Variants in UBE3C observed in about 807,000 individuals in gnomAD.
UBE3C encodes the protein ubiquitin-protein ligase E3C.
UBE3C carries 42 observed loss-of-function variants against 129.4 expected under a neutral mutation model. That is an observed-to-expected ratio of 0.32 (90% CI 0.25 to 0.42). The LOEUF (loss-of-function observed/expected upper bound fraction) is 0.42. Among genes scored for constraint, UBE3C ranks in the 10% least tolerant of loss-of-function variants. UBE3C has a pLI of 1.00. For synonymous variants in UBE3C, 510 were observed against 492.4 expected (o/e 1.04, Z -0.47); for missense variants, 1,049 against 1,319.1 (o/e 0.80, Z 3.17).
intron 10 of UBE3C, among the ~76,000 whole-genome samples, chr7:157,200,248 A>G (rs1586683281): frequency 6.6e-6 from 1 of 152,170 alleles, no homozygotes; most frequent in African/African-American, 2.4e-5. Flanking sequence ...CTGTTTTTTC[A>G]GTGATGTACC....
At chr7:157,183,259 G>A (rs1343387198) in intron 8 of UBE3C, among the ~76,000 whole-genome samples, 3 of 152,190 alleles carry the variant, frequency 2.0e-5, no homozygotes, top group Non-Finnish European at 2.9e-5. Context: ...TTCAGAGGCC[G>A]ATTACAAGTA....
intron 1 of UBE3C, among the ~76,000 whole-genome samples, chr7:157,141,620 T>C (rs1807453086): frequency 6.6e-6 from 1 of 152,214 alleles, no homozygotes; most frequent in Non-Finnish European, 1.5e-5. Context: ...TATAATCTTA[T>C]GGGACCACGG....
At chr7:157,249,423 C>G (rs950108696) in intron 19 of UBE3C, among the ~76,000 whole-genome samples, 1 of 151,980 alleles carries the variant, frequency 6.6e-6, no homozygotes, top group African/African-American at 2.4e-5. Context: ...TCAAGTGATT[C>G]TCCTGCCCCA....
At chr7:157,154,805 G>T (rs1807857783) in intron 1 of UBE3C, among the ~76,000 whole-genome samples, 1 of 152,132 alleles carries the variant, frequency 6.6e-6, no homozygotes, top group South Asian at 2.1e-4. Context: ...TCTATAACTG[G>T]TTGTAGTCAG....
chr7:157,195,470 C>T (rs1018023035), intron 10 of UBE3C, among the ~76,000 whole-genome samples: 14 of 152,166 alleles, frequency 9.2e-5, no homozygotes, highest in Admixed American at 7.9e-4. Context: ...AAGATTACTC[C>T]CAGGCCTTGA....
At chr7:157,203,269 G>A (rs1563054529) in intron 11 of UBE3C, among the ~76,000 whole-genome samples, 1 of 152,310 alleles carries the variant, frequency 6.6e-6, no homozygotes, top group Middle Eastern at 3.4e-3. Flanking sequence ...ACTCATAAAG[G>A]TTAAGTGAGT....
Position 157,225,197 on chromosome 7 carries a change from A to G in UBE3C, c.2101-210A>G, listed in dbSNP as rs114695412. 4.9e-3 allele frequency among the ~76,000 whole-genome samples: 745 copies of G among 152,268 alleles called. 10 individuals carry two copies. The highest frequency in any genetic ancestry group is 0.015 in the African/African-American group (626 of 41,552). On this transcript the variant is annotated intron_variant, in intron 16 of 22. Coordinates refer to ENST00000348165, the MANE Select transcript of UBE3C (RefSeq NM_014671.3). The stretch of plus-strand genomic sequence containing the variant: ...TTTTAAAATTTATTTTAAACTGGGC[A>G]AAGGAGCAGCTTTAGAAATATTTAA...
intron 13 of UBE3C, among the ~76,000 whole-genome samples, chr7:157,215,510 C>T (rs1586694782): frequency 6.9e-6 from 1 of 145,880 alleles, no homozygotes; most frequent in South Asian, 2.1e-4. Context: ...ATATATTATA[C>T]AATTTATAAC....
At chr7:157,243,296 T>A (rs1796393788) in intron 18 of UBE3C, among the ~76,000 whole-genome samples, 1 of 152,152 alleles carries the variant, frequency 6.6e-6, no homozygotes, top group South Asian at 2.1e-4. Context: ...GAAGAAAAGG[T>A]ACGAGCACTG....
At chr7:157,159,327 A>G (rs1328926914) in intron 1 of UBE3C, among the ~76,000 whole-genome samples, 1 of 151,932 alleles carries the variant, frequency 6.6e-6, no homozygotes, top group Non-Finnish European at 1.5e-5. Flanking sequence ...AAAAGATTAA[A>G]AAAAAAAAAC....
At chr7:157,183,256 G>A (rs1188454265) in intron 8 of UBE3C, among the ~76,000 whole-genome samples, 1 of 152,152 alleles carries the variant, frequency 6.6e-6, no homozygotes, top group African/African-American at 2.4e-5. Context: ...CACTTCAGAG[G>A]CCGATTACAA....
chr7:157,201,921 A>G, intron 11 of UBE3C, 114 bp downstream of exon 11: 2 of 814,112 alleles, frequency 2.5e-6, no homozygotes, highest in Non-Finnish European at 3.9e-6. Context: ...CTTATTTCAT[A>G]TTAGAAGGTA....
chr7:157,213,222 C>G (rs1809647543), intron 13 of UBE3C, among the ~76,000 whole-genome samples: 1 of 152,238 alleles, frequency 6.6e-6, no homozygotes, highest in African/African-American at 2.4e-5. Flanking sequence ...TTAAAATCCA[C>G]TAAAATTTGT....
intron 1 of UBE3C, among the ~76,000 whole-genome samples, chr7:157,158,486 A>AGCT (rs2116842895): frequency 6.6e-6 from 1 of 152,352 alleles, no homozygotes; most frequent in East Asian, 1.9e-4. Flanking sequence ...CAAAGGCTAG[A>AGCT]GCTGCTAATT....
At position 157,196,534 on chromosome 7, in the gene UBE3C, A is replaced by T. The variant is rs1217604351; in HGVS notation, c.1332-5187A>T. Among the ~76,000 whole-genome samples the T allele has an allele frequency of 5.3e-5, 8 of 152,338 alleles. No homozygotes were observed. The East Asian group carries it at 1.5e-3, about 29-fold the overall frequency. On this transcript the variant is annotated intron_variant, in intron 10 of 22. Transcript: ENST00000348165. The stretch of plus-strand genomic sequence containing the variant: ...AAGACGTTCTAGGTTGAGCACATAG[A>T]AGAGTGTTTAGTGTATATAGTGAGT...
intron 22 of UBE3C, among the ~76,000 whole-genome samples, chr7:157,257,348 T>C (rs1374549804): frequency 6.6e-6 from 1 of 152,186 alleles, no homozygotes; most frequent in African/African-American, 2.4e-5. Context: ...CATAAATCTG[T>C]AACACATCTT....
In UBE3C at chr7:157,257,025, C is replaced by CCCCT; in HGVS notation, c.3064_3067dup (p.Leu1023ProfsTer6). The CCCCT allele has an allele frequency of 6.2e-7, 1 of 1,614,164 alleles. No homozygotes were observed. The highest frequency in any genetic ancestry group is 8.5e-7 in the Non-Finnish European group (1 of 1,180,036). ...AAGTTTGTAACAAGCTGCTCTCGAC[C>CCCCT]CCCTCTCTTGGGGTTTAAGGTACAC... On this transcript the variant is annotated frameshift_variant, in exon 22 of 23. Transcript: ENST00000348165. LOFTEE classifies it high-confidence loss of function.
At chr7:157,159,873 A>G (rs1387868274) in intron 1 of UBE3C, among the ~76,000 whole-genome samples, 1 of 152,198 alleles carries the variant, frequency 6.6e-6, no homozygotes, top group Non-Finnish European at 1.5e-5. Flanking sequence ...CATGTAAATC[A>G]GAATTCTTTG....
At chr7:157,169,674 C>G (rs1808313340) in intron 3 of UBE3C, among the ~76,000 whole-genome samples, 2 of 151,682 alleles carry the variant, frequency 1.3e-5, no homozygotes, top group Admixed American at 1.3e-4. Context: ...CTGCGCCTGG[C>G]CTGTTTTTGT....
Sources: gnomAD v4.1 joint callset for allele counts (sites outside exome capture counted in the v4.1 genomes callset) on GRCh38, gnomAD v4.1.1 for gene constraint, MANE v1.5 for transcripts, NCBI Gene and HGNC (gene_info 2026-07-23, HGNC 2026-07-21) for gene names.